Variants in AGBL1 observed in about 807,000 individuals in gnomAD.
The protein encoded by AGBL1 is AGBL carboxypeptidase 1.
AGBL1 carries 130 observed loss-of-function variants against 118.9 expected under a neutral mutation model. That is an observed-to-expected ratio of 1.09 (90% CI 0.95 to 1.26). AGBL1 has a LOEUF of 1.26. Among genes scored for constraint, AGBL1 ranks in the 50% most tolerant of loss-of-function variants. The pLI, the probability that AGBL1 is intolerant of heterozygous loss-of-function variation, is 0.00. For missense variants in AGBL1, 1,584 were observed against 1,298.1 expected, an observed-to-expected ratio of 1.22 and a Z score of -3.38; for synonymous variants, 555 against 478.9, an observed-to-expected ratio of 1.16 and a Z score of -2.08.
intron 5 of AGBL1, among the ~76,000 whole-genome samples, chr15:86,212,619 C>T (rs2078117811): frequency 6.6e-6 from 1 of 152,162 alleles, no homozygotes; most frequent in Admixed American, 6.5e-5. Context: ...TACTAAATCC[C>T]ATCCTTTAAA....
intron 3 of AGBL1, among the ~76,000 whole-genome samples, chr15:86,146,262 C>G (rs1050791775): frequency 4.6e-5 from 7 of 152,176 alleles, no homozygotes; most frequent in Admixed American, 2.0e-4. Context: ...TAAACATGTA[C>G]AAACTTTTTT....
Position 86,545,994 on chromosome 15 carries a change from T to A in AGBL1, c.2686-8T>A. 2 of 1,611,806 alleles carry A rather than the reference T, an allele frequency of 1.2e-6. No homozygotes were observed. Among genetic ancestry groups the A allele is most frequent in the Non-Finnish European group, 1.7e-6 (2 of 1,178,432 alleles). On this transcript the variant is annotated splice_polypyrimidine_tract_variant and splice_region_variant and intron_variant, in intron 19 of 22. Transcript: ENST00000614907. ...GGTTTTATTTTCTCCTTTGTTGGGC[T>A]ATTGTAGGTTTTCTGTGACTTCCAT...
intron 23 of AGBL1, among the ~76,000 whole-genome samples, chr15:86,947,557 A>T (rs1310696999): frequency 1.3e-5 from 2 of 152,168 alleles, no homozygotes; most frequent in Non-Finnish European, 2.9e-5. Context: ...ATTTTTTATT[A>T]ATTTATTTTG....
At chr15:86,426,295 A>G (rs2081865635) in intron 18 of AGBL1, among the ~76,000 whole-genome samples, 1 of 152,232 alleles carries the variant, frequency 6.6e-6, no homozygotes. Flanking sequence ...AAAAGGATTA[A>G]AGGAAAATCT....
intron 8 of AGBL1, among the ~76,000 whole-genome samples, chr15:86,257,583 G>T (rs144265909): frequency 2.0e-5 from 3 of 152,168 alleles, no homozygotes; most frequent in African/African-American, 7.2e-5. Context: ...AAAATTAGGG[G>T]CTCAATCAAG....
At chr15:86,215,413 T>C (rs1246186310) in intron 5 of AGBL1, among the ~76,000 whole-genome samples, 2 of 152,176 alleles carry the variant, frequency 1.3e-5, no homozygotes, top group Non-Finnish European at 2.9e-5. Flanking sequence ...TTCTTCACTT[T>C]CTTTTTCCGC....
intron 18 of AGBL1, among the ~76,000 whole-genome samples, chr15:86,513,618 G>A (rs1380042163): frequency 2.0e-5 from 3 of 151,908 alleles, no homozygotes; most frequent in African/African-American, 7.2e-5. Context: ...GCTGATTGTT[G>A]CTTGTATCGA....
chr15:86,359,977 C>G (rs1477355431), intron 17 of AGBL1, among the ~76,000 whole-genome samples: 1 of 151,892 alleles, frequency 6.6e-6, no homozygotes, highest in Non-Finnish European at 1.5e-5. Flanking sequence ...ATATCATCTG[C>G]AAACAGACAT....
chr15:87,025,486 A>C (rs1029991677), intron 24 of AGBL1, among the ~76,000 whole-genome samples: 1 of 152,108 alleles, frequency 6.6e-6, no homozygotes, highest in Non-Finnish European at 1.5e-5. Context: ...AACATTGCTG[A>C]AATAAATCAT....
chr15:86,151,316 A>G (rs1382463456), intron 3 of AGBL1, among the ~76,000 whole-genome samples: 1 of 152,002 alleles, frequency 6.6e-6, no homozygotes, highest in Non-Finnish European at 1.5e-5. Context: ...AAAAAAAAAA[A>G]AAGCTTATCC....
intron 22 of AGBL1, among the ~76,000 whole-genome samples, chr15:86,788,883 T>C (rs368037670): frequency 7.2e-5 from 11 of 152,176 alleles, no homozygotes; most frequent in African/African-American, 2.6e-4. Flanking sequence ...AAGTGCAAAG[T>C]GCAAGGCTCC....
intron 1 of AGBL1, among the ~76,000 whole-genome samples, chr15:86,101,433 G>C (rs975473852): frequency 6.6e-6 from 1 of 151,520 alleles, no homozygotes; most frequent in Non-Finnish European, 1.5e-5. Context: ...TTAATTTTCT[G>C]TCTTGATGAT....
chr15:86,523,334 C>T (rs1212721459), intron 19 of AGBL1, among the ~76,000 whole-genome samples: 1 of 152,174 alleles, frequency 6.6e-6, no homozygotes, highest in Non-Finnish European at 1.5e-5. Flanking sequence ...AGGCCATCTT[C>T]CCTCTGTGTC....
At chr15:86,097,038 C>T (rs1050737156) in intron 1 of AGBL1, among the ~76,000 whole-genome samples, 1 of 152,144 alleles carries the variant, frequency 6.6e-6, no homozygotes, top group African/African-American at 2.4e-5. Context: ...ACGCTCAAAC[C>T]TGCAGACTCA....
intron 16 of AGBL1, among the ~76,000 whole-genome samples, chr15:86,285,955 C>A (rs2079437548): frequency 6.6e-6 from 1 of 152,016 alleles, no homozygotes; most frequent in Non-Finnish European, 1.5e-5. Context: ...TTCTGCCTAA[C>A]CTGCTTCCGC....
At chr15:86,256,153 C>T (rs1475918395) in intron 7 of AGBL1, among the ~76,000 whole-genome samples, 1 of 152,206 alleles carries the variant, frequency 6.6e-6, no homozygotes, top group Non-Finnish European at 1.5e-5. Context: ...AACTCTCTGT[C>T]TCTCAATTTA....
At chr15:86,294,594 T>G (rs1278146675) in intron 16 of AGBL1, among the ~76,000 whole-genome samples, 1 of 152,090 alleles carries the variant, frequency 6.6e-6, no homozygotes, top group Non-Finnish European at 1.5e-5. Flanking sequence ...GTGCTCACAT[T>G]TCTCCCTATT....
Position 86,725,208 on chromosome 15 carries a change from A to G in AGBL1, c.3158+50772A>G, listed in dbSNP as rs148898051. Among the ~76,000 whole-genome samples the G allele has an allele frequency of 1.7e-4, 26 of 152,348 alleles. No individual in the cohort carries two copies. The East Asian group carries it at 5.0e-3, about 29-fold the overall frequency. Reference sequence around the variant, plus strand: ...ATATATGACAAGCTACAGGAGAACAAAATACATTGTTTCATTCAAGGAGCT... The same window carrying G: ...ATATATGACAAGCTACAGGAGAACAGAATACATTGTTTCATTCAAGGAGCT... On this transcript the variant is annotated intron_variant, in intron 22 of 22. Coordinates refer to ENST00000614907, the MANE Select transcript of AGBL1 (RefSeq NM_001386094.1).
At chr15:86,855,847 G>A (rs1209736499) in intron 22 of AGBL1, among the ~76,000 whole-genome samples, 1 of 152,122 alleles carries the variant, frequency 6.6e-6, no homozygotes, top group Non-Finnish European at 1.5e-5. Flanking sequence ...CCTCATCTGG[G>A]ACCCCTGCTC....
Sources: allele counts gnomAD v4.1 joint callset (sites outside exome capture counted in the v4.1 genomes callset), GRCh38; gene constraint gnomAD v4.1.1; transcripts MANE v1.5; gene names NCBI Gene and HGNC (gene_info 2026-07-23, HGNC 2026-07-21).